The following RSL1D1 variants were observed in gnomAD, a reference collection of about 807,000 sequenced individuals.
The protein encoded by RSL1D1 is ribosomal L1 domain containing 1.
Under a neutral mutation model 44.6 loss-of-function variants are expected in RSL1D1, and 34 were observed. The observed-to-expected ratio is 0.76, with a 90% confidence interval of 0.58 to 1.02. RSL1D1 has a LOEUF of 1.02. Ranked by LOEUF, RSL1D1 falls within the 50% of genes least tolerant of loss-of-function variation. RSL1D1 has a pLI of 0.00. For missense variants in RSL1D1, 767 were observed against 568.1 expected, an observed-to-expected ratio of 1.35 and a Z score of -3.56; for synonymous variants, 271 against 207.4, an observed-to-expected ratio of 1.31 and a Z score of -2.63.
rs1300231501 is a variant in RSL1D1 at position 11,837,747 on chromosome 16, G to C, written c.*40C>G. On this transcript the variant is annotated 3_prime_UTR_variant, in exon 9 of 9. Transcript: ENST00000571133. ...ATCTGAGTATTTCCAAAAAGCTCTG[G>C]AGGCAGCATTGAGGTTTCCTTCCAG... 6.6e-7 allele frequency: 1 copy of C among 1,518,568 alleles called. No homozygotes were observed. The highest frequency in any genetic ancestry group is 2.3e-5 in the East Asian group (1 of 44,234). 94.1% of individuals were successfully genotyped at this position (1,518,568 alleles called of 1,614,324 possible). A position where few individuals can be genotyped will look rare whatever the true frequency, so the allele number is the denominator to read the frequency against.
At chr16:11,843,281 G>C (rs1405905250) in intron 5 of RSL1D1, among the ~76,000 whole-genome samples, 2 of 151,596 alleles carry the variant, frequency 1.3e-5, no homozygotes, top group Non-Finnish European at 2.9e-5. Context: ...GTGTTGGCCA[G>C]ACTGGTCTCA....
At position 11,851,463 on chromosome 16, in the gene RSL1D1, G is replaced by T; in HGVS notation, c.50C>A (p.Thr17Asn). Reference sequence around the variant, plus strand: ...CGGGGCCGCTGGAGTCGAGGTGGAGGTTCCAGTAGCGGCTGCAGAAGACAG... The same window carrying T: ...CGGGGCCGCTGGAGTCGAGGTGGAGTTTCCAGTAGCGGCTGCAGAAGACAG... Reference protein sequence around the residue: ...ASLSSAAATGTSTSTPAAPTA... With the variant: ...ASLSSAAATGNSTSTPAAPTA... Residue 17 changes from threonine to asparagine, a missense_variant, in exon 1 of 9, where the codon ACC becomes AAC. Physicochemically the swap from Thr to Asn is moderately conservative, Grantham distance 65 (BLOSUM62 0). Coordinates refer to ENST00000571133, the MANE Select transcript of RSL1D1 (RefSeq NM_015659.3). The T allele has an allele frequency of 6.2e-7, 1 of 1,614,102 alleles. No homozygotes were observed. The highest frequency in any genetic ancestry group is 8.5e-7 in the Non-Finnish European group (1 of 1,179,972).
At chr16:11,850,686 G>T (rs568412593) in intron 1 of RSL1D1, among the ~76,000 whole-genome samples, 2 of 152,302 alleles carry the variant, frequency 1.3e-5, no homozygotes, top group African/African-American at 4.8e-5. Flanking sequence ...TACTTAAAGA[G>T]ATTGGGCTAG....
intron 8 of RSL1D1, among the ~76,000 whole-genome samples, chr16:11,839,039 T>C (rs928594081): frequency 6.6e-6 from 1 of 151,960 alleles, no homozygotes; most frequent in African/African-American, 2.4e-5. Context: ...TGGCACATGG[T>C]GTAGGGCAAG....
In RSL1D1 at chr16:11,837,774, T is replaced by TGA. The variant is rs749308985; in HGVS notation, c.*11_*12dup. ...GGCAGCATTGAGGTTTCCTTCCAGTTGAATCACTGACTTTAGGTCGACTGG... is the reference window on the plus strand; with the variant it reads ...GGCAGCATTGAGGTTTCCTTCCAGTTGAGAATCACTGACTTTAGGTCGACTGG... On this transcript the variant is annotated 3_prime_UTR_variant, in exon 9 of 9. Transcript: ENST00000571133. The TGA allele has an allele frequency of 3.2e-6, 5 of 1,586,892 alleles. No homozygotes were observed. The African/African-American group carries it at 4.1e-5, about 13-fold the overall frequency.
intron 7 of RSL1D1, among the ~76,000 whole-genome samples, chr16:11,840,467 G>A (rs35639837): frequency 3.0e-3 from 454 of 152,234 alleles, no homozygotes; most frequent in South Asian, 9.7e-3. Flanking sequence ...TCAGGAGGGT[G>A]AGGCACAGAG....
chr16:11,836,876 A>G lies in RSL1D1; in HGVS notation c.*911T>C, dbSNP rs1271740260. On this transcript the variant is annotated 3_prime_UTR_variant, in exon 9 of 9. Transcript: ENST00000571133. ...AATGAATATGATGGAGTCCATGTGA[A>G]TAATGGTTGAGCAGGTGAGGAAAAG... 1.3e-5 allele frequency: 2 copies of G among 152,248 alleles called. No homozygotes were observed. Among genetic ancestry groups the G allele is most frequent in the Admixed American group, 6.5e-5 (1 of 15,276 alleles). 9.4% of individuals were successfully genotyped at this position (152,248 alleles called of 1,614,324 possible).
intron 7 of RSL1D1, among the ~76,000 whole-genome samples, chr16:11,840,437 G>A (rs1196815890): frequency 6.6e-6 from 1 of 151,990 alleles, no homozygotes; most frequent in Non-Finnish European, 1.5e-5. Flanking sequence ...ATGGTGATAC[G>A]TGCCTGTAGT....
rs139050918 is a variant in RSL1D1, at chr16:11,847,755, C to T, written c.297G>A (p.Thr99=). The T allele has an allele frequency of 1.6e-4, 262 of 1,613,126 alleles. No homozygotes were observed. Among genetic ancestry groups the T allele is most frequent in the African/African-American group, 1.2e-3 (90 of 74,980 alleles). Residue 99 remains threonine (T), a synonymous_variant, in exon 3 of 9, where the codon ACG becomes ACA. Coordinates refer to ENST00000571133, the MANE Select transcript of RSL1D1 (RefSeq NM_015659.3). Reference sequence around the variant, plus strand: ...CAGGAGTTGAATTGGGTTCATCCTTCGTAAATAAACAGATATCTTCTGAAT... The same window carrying T: ...CAGGAGTTGAATTGGGTTCATCCTTTGTAAATAAACAGATATCTTCTGAAT... ...RSDSEDICLF[T]KDEPNSTPEK... is the part of the protein sequence containing the mutation.
Position 11,841,973 on chromosome 16 carries a change from C to T in RSL1D1, c.663G>A (p.Met221Ile), listed in dbSNP as rs989375925. Residue 221 changes from methionine to isoleucine, a missense_variant, in exon 6 of 9, where the codon ATG (methionine) becomes ATA (isoleucine). Met to Ile is a conservative substitution (Grantham distance 10). Coordinates refer to ENST00000571133, the MANE Select transcript of RSL1D1 (RefSeq NM_015659.3). ...TGTTTTCAATGATGTGCTCAATTTG[C>T]ATTCCAACGTGACCAATACGTATAG... ...CSAIRIGHVG[M>I]QIEHIIENIV... 6.2e-7 allele frequency: 1 copy of T among 1,613,712 alleles called. No homozygotes were observed. Among genetic ancestry groups the T allele is most frequent in the South Asian group, 1.1e-5 (1 of 90,960 alleles).
intron 7 of RSL1D1, among the ~76,000 whole-genome samples, chr16:11,840,204 C>A (rs1173442469): frequency 1.3e-5 from 2 of 152,150 alleles, no homozygotes; most frequent in East Asian, 3.9e-4. Context: ...ACCGGCATTT[C>A]AGAATCTGAC....
chr16:11,848,722 G>A (rs2053815833), intron 2 of RSL1D1, among the ~76,000 whole-genome samples: 1 of 152,048 alleles, frequency 6.6e-6, no homozygotes, highest in South Asian at 2.1e-4. Flanking sequence ...TTGAATTTGT[G>A]GGCTCAAGCA....
chr16:11,841,578 A>T (rs1281983508), intron 7 of RSL1D1, 117 bp downstream of exon 7: 1 of 935,836 alleles, frequency 1.1e-6, no homozygotes, highest in Admixed American at 2.8e-5. Context: ...AAGCACAACC[A>T]CCACAAAACC....
At chr16:11,848,819 G>A (rs997945713) in intron 2 of RSL1D1, among the ~76,000 whole-genome samples, 1 of 141,286 alleles carries the variant, frequency 7.1e-6, no homozygotes, top group Non-Finnish European at 1.6e-5. Context: ...TTTTTTTTGA[G>A]ATGGGAGTCT....
At chr16:11,839,481 C>T (rs915875631) in intron 8 of RSL1D1, among the ~76,000 whole-genome samples, 1 of 149,786 alleles carries the variant, frequency 6.7e-6, no homozygotes, top group African/African-American at 2.5e-5. Flanking sequence ...CTGTTTTGAC[C>T]CCCGGAGTGT....
rs746811695 is a variant in RSL1D1, at chr16:11,847,822, A to G, written c.246-16T>C. 40 of 1,610,638 alleles carry G rather than the reference A, an allele frequency of 2.5e-5. No individual in the cohort carries two copies. The highest frequency in any genetic ancestry group is 3.2e-5 in the Non-Finnish European group (38 of 1,178,382). ...AGGCAAGGTCCTACAAAATACGTGA[A>G]AAGAAACCGAGGAAAGCATTATTAC... On this transcript the variant is annotated splice_polypyrimidine_tract_variant and intron_variant, in intron 2 of 8. Coordinates refer to ENST00000571133, the MANE Select transcript of RSL1D1 (RefSeq NM_015659.3).
At chr16:11,849,836 G>A (rs1007007848) in intron 2 of RSL1D1, among the ~76,000 whole-genome samples, 1 of 151,956 alleles carries the variant, frequency 6.6e-6, no homozygotes, top group Non-Finnish European at 1.5e-5. Context: ...GAATTTCTAC[G>A]GTTCTTTTAT....
At chr16:11,850,546 C>T (rs1246726466) in intron 1 of RSL1D1, 128 bp from the exon 2 acceptor site, 5 of 873,882 alleles carry the variant, frequency 5.7e-6, no homozygotes, top group Non-Finnish European at 8.7e-6. Context: ...CTTCCAACTT[C>T]TATTTCAAGG....
intron 8 of RSL1D1, 102 bp downstream of exon 8, chr16:11,839,593 T>C: frequency 2.0e-6 from 3 of 1,490,214 alleles, no homozygotes; most frequent in Non-Finnish European, 2.7e-6. Context: ...GTTCTTTGGG[T>C]TCACTCTAGT....
Sources: allele counts gnomAD v4.1 joint callset (sites outside exome capture counted in the v4.1 genomes callset), GRCh38; gene constraint gnomAD v4.1.1; transcripts MANE v1.5; gene names NCBI Gene and HGNC (gene_info 2026-07-23, HGNC 2026-07-21).